Variants in MTFR1 observed in about 807,000 individuals in gnomAD.
MTFR1 encodes the protein mitochondrial fission regulator 1.
Under a neutral mutation model 38.8 loss-of-function variants are expected in MTFR1, and 28 were observed. The observed-to-expected ratio is 0.72, with a 90% confidence interval of 0.53 to 0.99. MTFR1 has a LOEUF of 0.99. Ranked by LOEUF, MTFR1 falls within the 50% of genes least tolerant of loss-of-function variation. MTFR1 has a pLI of 0.00. For synonymous variants in MTFR1, 145 were observed against 137.0 expected (o/e 1.06, Z -0.41); for missense variants, 358 against 395.5 (o/e 0.91, Z 0.81).
intron 4 of MTFR1, among the ~76,000 whole-genome samples, chr8:65,702,371 C>G (rs1805642325): frequency 7.0e-6 from 1 of 143,228 alleles, no homozygotes; most frequent in Non-Finnish European, 1.5e-5. Context: ...ATGATCTTGG[C>G]TCACTGCAAC....
intron 1 of MTFR1, among the ~76,000 whole-genome samples, chr8:65,656,180 GA>G: frequency 6.9e-6 from 1 of 145,728 alleles, no homozygotes; most frequent in Admixed American, 7.0e-5. Flanking sequence ...CGGGCAACAA[GA>G]GTGAAACTCT....
Position 65,724,340 on chromosome 8 carries a change from T to C in MTFR1, c.*48+4859T>C. 1 of 1,611,356 alleles carries C rather than the reference T, an allele frequency of 6.2e-7. No homozygotes were observed. The highest frequency in any genetic ancestry group is 8.5e-7 in the Non-Finnish European group (1 of 1,177,896). On this transcript the variant is annotated intron_variant, in intron 3 of 3. Transcript: ENST00000521247. ...GACATGGGTTACAAATATCAGCACA[T>C]TTCAAAGCCATCTAGCAAACAAAAC... is the stretch of plus-strand genomic sequence containing the variant.
At chr8:65,651,382 A>G (rs1420272580) in intron 1 of MTFR1, among the ~76,000 whole-genome samples, 5 of 152,180 alleles carry the variant, frequency 3.3e-5, no homozygotes, top group South Asian at 2.1e-4. Flanking sequence ...GCCCAGACCA[A>G]TGTCCTGGAG....
At chr8:65,765,222 G>A (rs1808706760) in intron 3 of MTFR1, among the ~76,000 whole-genome samples, 1 of 152,082 alleles carries the variant, frequency 6.6e-6, no homozygotes, top group African/African-American at 2.4e-5. Context: ...GGGCGCGGTG[G>A]CTCACGCCTG....
chr8:65,710,688 A>G (rs1010695948), downstream of MTFR1: 1 of 152,010 alleles, frequency 6.6e-6, no homozygotes, highest in African/African-American at 2.4e-5. Context: ...AAGCTCTTAA[A>G]ATCACCTCTC....
At chr8:65,697,763 T>C (rs1805488200) in intron 4 of MTFR1, among the ~76,000 whole-genome samples, 1 of 152,248 alleles carries the variant, frequency 6.6e-6, no homozygotes, top group Non-Finnish European at 1.5e-5. Flanking sequence ...TCAGTTTCTC[T>C]GCGTTATTTC....
At chr8:65,668,525 C>CT (rs144265003) in intron 1 of MTFR1, among the ~76,000 whole-genome samples, 69,840 of 127,010 alleles carry the variant, frequency 0.55, 23,266 homozygotes, top group Non-Finnish European at 0.76. Flanking sequence ...TTTCTTTTTT[C>CT]TTTTTTTTTT....
intron 3 of MTFR1, among the ~76,000 whole-genome samples, chr8:65,758,022 A>AT (rs143800071): frequency 0.039 from 5,981 of 152,082 alleles, 172 homozygotes; most frequent in Non-Finnish European, 0.06. Flanking sequence ...CTTGTCATTT[A>AT]TTTTTACTCA....
chr8:65,759,377 A>G (rs1452788195), intron 3 of MTFR1, among the ~76,000 whole-genome samples: 1 of 152,230 alleles, frequency 6.6e-6, no homozygotes, highest in Non-Finnish European at 1.5e-5. Context: ...TCAGTCCCTC[A>G]GGGATCCGCC....
intron 1 of MTFR1, among the ~76,000 whole-genome samples, chr8:65,668,584 G>A (rs535835809): frequency 7.6e-5 from 11 of 144,150 alleles, no homozygotes; most frequent in East Asian, 2.0e-4. Context: ...GTGCAGTGGC[G>A]CTATTTGCAT....
intron 3 of MTFR1, among the ~76,000 whole-genome samples, chr8:65,731,188 A>G (rs1806872518): frequency 6.6e-6 from 1 of 152,120 alleles, no homozygotes; most frequent in African/African-American, 2.4e-5. Flanking sequence ...CAAAATTCCT[A>G]TCTTACTCAT....
At chr8:65,754,921 C>T (rs746314838) in intron 3 of MTFR1, among the ~76,000 whole-genome samples, 27 of 150,006 alleles carry the variant, frequency 1.8e-4, no homozygotes, top group Admixed American at 3.3e-4. Context: ...GCCGAGATCG[C>T]GCCACTGCAC....
intron 3 of MTFR1, among the ~76,000 whole-genome samples, chr8:65,733,875 C>T (rs959489222): frequency 6.6e-6 from 1 of 152,110 alleles, no homozygotes; most frequent in African/African-American, 2.4e-5. Flanking sequence ...CGCCTAACAC[C>T]TTAGCCAGAA....
At chr8:65,747,656 G>T in intron 3 of MTFR1, 1 of 1,602,292 alleles carries the variant, frequency 6.2e-7, no homozygotes, top group Non-Finnish European at 8.5e-7. Context: ...ACACACCTTG[G>T]CTTGTCCATT....
At chr8:65,693,589 T>A (rs950221983) in intron 3 of MTFR1, 55 bp from the exon 4 acceptor site, 9 of 1,500,580 alleles carry the variant, frequency 6.0e-6, no homozygotes, top group Non-Finnish European at 7.4e-6. Flanking sequence ...GTAAAAAAAA[T>A]TTAACATTTT....
chr8:65,749,579 A>G (rs1309231479), intron 3 of MTFR1, among the ~76,000 whole-genome samples: 13 of 152,272 alleles, frequency 8.5e-5, no homozygotes, highest in Admixed American at 3.3e-4. Flanking sequence ...GTTTGAAGAA[A>G]TTTGGGTAGA....
Position 65,709,073 on chromosome 8 carries a change from G to C in MTFR1, c.*29G>C. 1 of 1,608,460 alleles carries C rather than the reference G, an allele frequency of 6.2e-7. No individual in the cohort carries two copies. The highest frequency in any genetic ancestry group is 8.5e-7 in the Non-Finnish European group (1 of 1,174,992). On this transcript the variant is annotated 3_prime_UTR_variant, in exon 8 of 8. Coordinates refer to ENST00000262146, the MANE Select transcript of MTFR1 (RefSeq NM_014637.4). Reference sequence around the variant, plus strand: ...ACAATGAGCTGCGAAAAGACTCCTGGTTCCCCTGTTGATTTGTGAGGGCCA... The same window carrying C: ...ACAATGAGCTGCGAAAAGACTCCTGCTTCCCCTGTTGATTTGTGAGGGCCA...
At chr8:65,772,263 C>G (rs1013224949), downstream of MTFR1, among the ~76,000 whole-genome samples, 3 of 152,164 alleles carry the variant, frequency 2.0e-5, no homozygotes, top group African/African-American at 7.2e-5. Flanking sequence ...ATTTTGCAAT[C>G]AGAACACCTA....
intron 1 of MTFR1, among the ~76,000 whole-genome samples, chr8:65,659,925 A>G (rs1275688804): frequency 6.6e-6 from 1 of 152,098 alleles, no homozygotes; most frequent in Non-Finnish European, 1.5e-5. Context: ...TGTATTCTTT[A>G]TCTCTAGCCG....
Sources: gnomAD v4.1 joint callset for allele counts (sites outside exome capture counted in the v4.1 genomes callset) on GRCh38, gnomAD v4.1.1 for gene constraint, MANE v1.5 for transcripts, NCBI Gene and HGNC (gene_info 2026-07-23, HGNC 2026-07-21) for gene names.